The following GABRA2 variants were observed in gnomAD, a reference collection of about 807,000 sequenced individuals.
The protein encoded by GABRA2 is gamma-aminobutyric acid receptor subunit alpha-2.
In GABRA2, 16 loss-of-function variants were observed where a neutral mutation model predicts 48.7. The ratio of observed to expected loss-of-function variants is 0.33; its 90% CI spans 0.22 to 0.50. The LOEUF (loss-of-function observed/expected upper bound fraction) is 0.50, where lower values mean the gene tolerates loss of function less well. GABRA2 is among the 20% of genes least tolerant of loss of function. GABRA2 has a pLI of 0.98. For synonymous variants in GABRA2, 185 were observed against 184.5 expected (o/e 1.00, Z -0.02); for missense variants, 275 against 535.6 (o/e 0.51, Z 4.80).
chr4:46,323,264 A>C (rs1729765539), intron 4 of GABRA2, among the ~76,000 whole-genome samples: 1 of 151,870 alleles, frequency 6.6e-6, no homozygotes, highest in African/African-American at 2.4e-5. Context: ...AATCTCTCCC[A>C]AAATTCCTAA....
chr4:46,306,463 A>G (rs1726718491), intron 6 of GABRA2, among the ~76,000 whole-genome samples: 2 of 152,302 alleles, frequency 1.3e-5, no homozygotes, highest in South Asian at 4.1e-4. Flanking sequence ...TGCAGGCAAC[A>G]TATCTGGTCT....
At chr4:46,369,222 C>A (rs562780360) in intron 3 of GABRA2, among the ~76,000 whole-genome samples, 30 of 152,168 alleles carry the variant, frequency 2.0e-4, no homozygotes, top group African/African-American at 6.7e-4. Context: ...AGAGGGCACA[C>A]CCCTGTAATC....
In GABRA2 at chr4:46,389,816, A is replaced by AGG. The variant is rs1717996342; in HGVS notation, c.-93_-92insCC. 1 of 780,076 alleles carries AGG rather than the reference A, an allele frequency of 1.3e-6. No individual in the cohort carries two copies. Among genetic ancestry groups the AGG allele is most frequent in the South Asian group, 6.3e-5 (1 of 15,878 alleles). The allele number at this position is 780,076 out of a possible 1,614,324, so 48.3% of individuals were successfully genotyped here. ...TAGGAAACTTGGGAGAGAGAGAGAG[A>AGG]GAGAGAGAGAGAGAGAGAGAGAGAG... On this transcript the variant is annotated 5_prime_UTR_variant, in exon 1 of 10. Transcript: ENST00000381620.
chr4:46,328,704 G>A (rs1730821579), intron 4 of GABRA2, among the ~76,000 whole-genome samples: 1 of 151,958 alleles, frequency 6.6e-6, no homozygotes, highest in Non-Finnish European at 1.5e-5. Context: ...ATGTATACAT[G>A]TGCCATGCTG....
At chr4:46,362,783 C>A (rs760972888) in intron 3 of GABRA2, among the ~76,000 whole-genome samples, 12 of 152,062 alleles carry the variant, frequency 7.9e-5, no homozygotes, top group Non-Finnish European at 1.6e-4. Flanking sequence ...TTACATGCAG[C>A]AAAGCAATGG....
At chr4:46,361,375 G>A (rs751123491) in intron 3 of GABRA2, among the ~76,000 whole-genome samples, 7 of 152,230 alleles carry the variant, frequency 4.6e-5, no homozygotes, top group Non-Finnish European at 8.8e-5. Context: ...TGTTGCTTCA[G>A]AGGGTGGAAT....
At chr4:46,284,193 G>C (rs1722089780) in intron 8 of GABRA2, among the ~76,000 whole-genome samples, 1 of 151,692 alleles carries the variant, frequency 6.6e-6, no homozygotes, top group Admixed American at 6.6e-5. Context: ...TTTAAATATA[G>C]AGATAATACT....
intron 4 of GABRA2, among the ~76,000 whole-genome samples, chr4:46,318,830 T>A (rs1728973525): frequency 6.6e-6 from 1 of 151,672 alleles, no homozygotes; most frequent in Non-Finnish European, 1.5e-5. Context: ...ATCCTATGGC[T>A]TATACACAGG....
chr4:46,340,203 A>G (rs1301521133), intron 3 of GABRA2, among the ~76,000 whole-genome samples: 1 of 151,826 alleles, frequency 6.6e-6, no homozygotes, highest in Non-Finnish European at 1.5e-5. Context: ...CTCTTTTTTT[A>G]AAAGAAAATA....
At chr4:46,374,243 A>G (rs551909133) in intron 3 of GABRA2, among the ~76,000 whole-genome samples, 25 of 152,268 alleles carry the variant, frequency 1.6e-4, no homozygotes, top group East Asian at 1.4e-3. Context: ...AATCTTCACA[A>G]GTAATTAAAA....
intron 4 of GABRA2, among the ~76,000 whole-genome samples, chr4:46,322,014 A>G (rs530350052): frequency 6.6e-6 from 1 of 152,108 alleles, no homozygotes; most frequent in African/African-American, 2.4e-5. Context: ...AACCATACAA[A>G]CGGCATATAT....
chr4:46,346,589 AT>A (rs1431120970), intron 3 of GABRA2, among the ~76,000 whole-genome samples: 3 of 148,682 alleles, frequency 2.0e-5, no homozygotes, highest in African/African-American at 7.3e-5. Flanking sequence ...TATGTATTAT[AT>A]TTATTATTTT....
intron 8 of GABRA2, among the ~76,000 whole-genome samples, chr4:46,299,577 GTGTT>G (rs914166289): frequency 1.3e-5 from 2 of 151,426 alleles, no homozygotes; most frequent in Non-Finnish European, 3.0e-5. Context: ...AAAAAAAAAT[GTGTT>G]TGTTAAACAG....
intron 8 of GABRA2, among the ~76,000 whole-genome samples, chr4:46,265,371 G>A (rs1296771591): frequency 1.6e-5 from 2 of 126,672 alleles, no homozygotes; most frequent in Non-Finnish European, 3.0e-5. Context: ...GTGTGTGTGT[G>A]TGTGTGTGTA....
At chr4:46,389,714 G>T (rs1717968160) in intron 1 of GABRA2, 21 bp downstream of exon 1, 1 of 983,238 alleles carries the variant, frequency 1.0e-6, no homozygotes, top group Admixed American at 6.2e-5. Flanking sequence ...TCTCTATCGG[G>T]ACCAACGTGT....
At chr4:46,363,860 G>C (rs1190933374) in intron 3 of GABRA2, 3 of 152,108 alleles carry the variant, frequency 2.0e-5, no homozygotes, top group Non-Finnish European at 2.9e-5. Flanking sequence ...AGGTATAACT[G>C]ATAGTTATAA....
intron 4 of GABRA2, among the ~76,000 whole-genome samples, chr4:46,316,374 G>A (rs1728554839): frequency 6.6e-6 from 1 of 151,988 alleles, no homozygotes; most frequent in African/African-American, 2.4e-5. Context: ...ACTGCAATGT[G>A]AAAGCAACCA....
At chr4:46,330,889 A>G (rs1731239842) in intron 4 of GABRA2, among the ~76,000 whole-genome samples, 1 of 152,062 alleles carries the variant, frequency 6.6e-6, no homozygotes. Flanking sequence ...GTTTATCTGC[A>G]CTGTGTCTCT....
At chr4:46,271,580 AG>A (rs1221363177) in intron 8 of GABRA2, among the ~76,000 whole-genome samples, 1 of 152,044 alleles carries the variant, frequency 6.6e-6, no homozygotes, top group Non-Finnish European at 1.5e-5. Context: ...TGTTAGAGAG[AG>A]AAATTAGAAT....
Sources: gnomAD v4.1 joint callset for allele counts (sites outside exome capture counted in the v4.1 genomes callset) on GRCh38, gnomAD v4.1.1 for gene constraint, MANE v1.5 for transcripts, NCBI Gene and HGNC (gene_info 2026-07-23, HGNC 2026-07-21) for gene names.